Variants in DAZAP1 observed in about 807,000 individuals in gnomAD.
The protein encoded by DAZAP1 is DAZ-associated protein 1.
In DAZAP1, 6 loss-of-function variants were observed where a neutral mutation model predicts 60.1. The ratio of observed to expected loss-of-function variants is 0.10; its 90% CI spans 0.05 to 0.20. The LOEUF is 0.20. DAZAP1 is among the 10% of genes least tolerant of loss of function. DAZAP1 has a pLI of 1.00. For synonymous variants in DAZAP1, 235 were observed against 215.9 expected (o/e 1.09, Z -0.78); for missense variants, 366 against 560.4 (o/e 0.65, Z 3.50).
rs1186804452 is a variant in DAZAP1, at chr19:1,416,755, G to A, written c.30-745G>A. 1.3e-5 allele frequency: 2 copies of A among 152,528 alleles called. No individual in the cohort carries two copies. Among genetic ancestry groups the A allele is most frequent in the African/African-American group, 4.8e-5 (2 of 41,466 alleles). 9.4% of individuals were successfully genotyped at this position (152,528 alleles called of 1,614,324 possible). On this transcript the variant is annotated intron_variant, in intron 1 of 11. Transcript: ENST00000233078. This position sits in a 1 kb window ranked among gnomAD's most constrained non-coding sequence, Gnocchi z 4.3. Reference sequence around the variant, plus strand: ...AGGGTCGATGGCGGACGCCTTGGGAGAGCTCCAGCTCTTCTGCCCGGAGGA... The same window carrying A: ...AGGGTCGATGGCGGACGCCTTGGGAAAGCTCCAGCTCTTCTGCCCGGAGGA...
intron 1 of DAZAP1, among the ~76,000 whole-genome samples, 182 bp downstream of exon 1, chr19:1,407,984 TG>T (rs569758582): frequency 6.7e-6 from 1 of 149,588 alleles, no homozygotes; most frequent in African/African-American, 2.5e-5. Context: ...GCCCGGGGTC[TG>T]GGGGGGTCCT....
At chr19:1,431,532 C>T (rs1251672318) in intron 10 of DAZAP1, among the ~76,000 whole-genome samples, 3 of 152,022 alleles carry the variant, frequency 2.0e-5, no homozygotes, top group South Asian at 2.1e-4. Flanking sequence ...TGGGTTCAAG[C>T]GACTCTCCTG....
chr19:1,414,823 AT>A (rs567320989), intron 1 of DAZAP1, among the ~76,000 whole-genome samples: 225 of 148,826 alleles, frequency 1.5e-3, no homozygotes, highest in African/African-American at 4.5e-3. Context: ...AGTATTTTTT[AT>A]TTTTTTTTTA....
In DAZAP1 at chr19:1,432,397, T is replaced by A. The variant is rs990954047; in HGVS notation, c.872-117T>A. Reference sequence around the variant, plus strand: ...ATGTCCACAAGGCCTGGGCGTTCTGTGGGTTTGGGTGGCAGTCCCGTCTGG... The same window carrying A: ...ATGTCCACAAGGCCTGGGCGTTCTGAGGGTTTGGGTGGCAGTCCCGTCTGG... On this transcript the variant is annotated intron_variant, in intron 10 of 11. Coordinates refer to ENST00000233078, the MANE Select transcript of DAZAP1 (RefSeq NM_018959.4). The surrounding 1 kb of genome is among the most constrained non-coding windows in gnomAD (Gnocchi z 4.9). 4.9e-5 allele frequency: 52 copies of A among 1,065,556 alleles called. No homozygotes were observed. Among genetic ancestry groups the A allele is most frequent in the Non-Finnish European group, 7.0e-5 (49 of 701,800 alleles). The allele number at this position is 1,065,556 out of a possible 1,614,324, so 66.0% of individuals were successfully genotyped here. A position where few individuals can be genotyped will look rare whatever the true frequency, so the allele number is the denominator to read the frequency against.
At chr19:1,408,704 G>A (rs1285416321) in intron 1 of DAZAP1, among the ~76,000 whole-genome samples, 1 of 152,242 alleles carries the variant, frequency 6.6e-6, no homozygotes, top group Non-Finnish European at 1.5e-5. Context: ...CGGGCCCGCG[G>A]ATCTTTGCTG....
At chr19:1,409,154 C>G (rs755006529) in intron 1 of DAZAP1, among the ~76,000 whole-genome samples, 1 of 152,252 alleles carries the variant, frequency 6.6e-6, no homozygotes, top group African/African-American at 2.4e-5. Context: ...TGTGAGTCCT[C>G]TCCAGGCACT....
In DAZAP1 at chr19:1,425,259, T is replaced by C. The variant is rs942163286; in HGVS notation, c.464-619T>C. Among the ~76,000 whole-genome samples the C allele has an allele frequency of 4.6e-5, 7 of 152,216 alleles. No homozygotes were observed. Among genetic ancestry groups the C allele is most frequent in the Non-Finnish European group, 7.3e-5 (5 of 68,030 alleles). On this transcript the variant is annotated intron_variant, in intron 6 of 11. Coordinates refer to ENST00000233078, the MANE Select transcript of DAZAP1 (RefSeq NM_018959.4). This position sits in a 1 kb window ranked among gnomAD's most constrained non-coding sequence, Gnocchi z 5.4. ...AAGCCTAGCGAGGCACCAGCTATGA[T>C]AGATACTGTATCTGTTAACGCTTTA...
At chr19:1,411,989 C>T (rs1257702067) in intron 1 of DAZAP1, among the ~76,000 whole-genome samples, 5 of 152,216 alleles carry the variant, frequency 3.3e-5, no homozygotes, top group South Asian at 2.1e-4. Flanking sequence ...GCCAGTCATT[C>T]GACAGATGCT....
At position 1,423,188 on chromosome 19, in the gene DAZAP1, C is replaced by T. The variant is rs2083210805; in HGVS notation, c.463+792C>T. Among the ~76,000 whole-genome samples the T allele has an allele frequency of 1.3e-5, 2 of 152,366 alleles. No homozygotes were observed. Among genetic ancestry groups the T allele is most frequent in the South Asian group, 2.1e-4 (1 of 4,832 alleles). On this transcript the variant is annotated intron_variant, in intron 6 of 11. Transcript: ENST00000233078. This position sits in a 1 kb window ranked among gnomAD's most constrained non-coding sequence, Gnocchi z 6.8. Reference sequence around the variant, plus strand: ...GGCAGCCCCGAGCGCCAGGTGGCGCCGCAGCATGCCCACCATGCTGGAGCA... The same window carrying T: ...GGCAGCCCCGAGCGCCAGGTGGCGCTGCAGCATGCCCACCATGCTGGAGCA...
rs1287433316 is a variant in DAZAP1, at chr19:1,416,133, G to T, written c.30-1367G>T. 1 of 152,230 alleles carries T rather than the reference G, an allele frequency of 6.6e-6. No individual in the cohort carries two copies. The highest frequency in any genetic ancestry group is 1.9e-4 in the East Asian group (1 of 5,190). The allele number at this position is 152,230 out of a possible 1,614,324, so 9.4% of individuals were successfully genotyped here. On this transcript the variant is annotated intron_variant, in intron 1 of 11. Transcript: ENST00000233078. The surrounding 1 kb of genome is among the most constrained non-coding windows in gnomAD (Gnocchi z 4.3). ...GATGAGTGTGCCAGCCACCTTGCAG[G>T]GGTCTTTCCTGGCGAGCTGGCAGGA...
In DAZAP1 at chr19:1,432,618, C is replaced by T; in HGVS notation, c.976C>T (p.Pro326Ser). The change falls in exon 11 of 12, where the codon CCT becomes TCT. Residue 326 changes from proline to serine, a missense_variant. Transcript: ENST00000233078. This position sits in a 1 kb window ranked among gnomAD's most constrained non-coding sequence, Gnocchi z 4.9. ...GGCAGCACCTCTGGCTTTCCCACCG[C>T]CTCCGTCTCAGGCTGCCCCGGACAT... ...PGAAPLAFPPPPSQAAPDMSK... is the reference protein window; with the variant it reads ...PGAAPLAFPPSPSQAAPDMSK... 1 of 1,613,664 alleles carries T rather than the reference C, an allele frequency of 6.2e-7. No individual in the cohort carries two copies. Among genetic ancestry groups the T allele is most frequent in the Admixed American group, 1.7e-5 (1 of 60,026 alleles).
rs1196691175 is a variant in DAZAP1 at position 1,422,024 on chromosome 19, C to T, written c.415-324C>T. 1.3e-5 allele frequency among the ~76,000 whole-genome samples: 2 copies of T among 152,208 alleles called. No individual in the cohort carries two copies. The highest frequency in any genetic ancestry group is 4.8e-5 in the African/African-American group (2 of 41,450). ...TGGGGTCTCCTGGCTCCCACGTCCC[C>T]TGCTAGGATGCGTGGTCGGCGTTGT... On this transcript the variant is annotated intron_variant, in intron 5 of 11. Coordinates refer to ENST00000233078, the MANE Select transcript of DAZAP1 (RefSeq NM_018959.4). This position sits in a 1 kb window ranked among gnomAD's most constrained non-coding sequence, Gnocchi z 4.5.
Position 1,407,640 on chromosome 19 carries a change from CGCCGCCGCCGCCGCCGCCGCCGTT to C in DAZAP1, c.-131_-108del, listed in dbSNP as rs1474033774. On this transcript the variant is annotated 5_prime_UTR_variant, in exon 1 of 12. Coordinates refer to ENST00000233078, the MANE Select transcript of DAZAP1 (RefSeq NM_018959.4). ...AGGCAGCCGCCGCCGCCGCCGCCGC[CGCCGCCGCCGCCGCCGCCGCCGTT>C]GCGCAGATCCGGGCCGCGGCTGTGG... 1.1e-6 allele frequency: 1 copy of C among 904,072 alleles called. No individual in the cohort carries two copies. Among genetic ancestry groups the C allele is most frequent in the Non-Finnish European group, 1.3e-6 (1 of 754,296 alleles). The allele number at this position is 904,072 out of a possible 1,614,324, so 56.0% of individuals were successfully genotyped here.
intron 1 of DAZAP1, among the ~76,000 whole-genome samples, chr19:1,412,425 A>G (rs2082857402): frequency 6.6e-6 from 1 of 152,172 alleles, no homozygotes; most frequent in South Asian, 2.1e-4. Context: ...GCCTCTTGAG[A>G]TTGTGCACGG....
At chr19:1,424,192 C>T (rs2083240958) in intron 6 of DAZAP1, among the ~76,000 whole-genome samples, 1 of 152,064 alleles carries the variant, frequency 6.6e-6, no homozygotes, top group African/African-American at 2.4e-5. Flanking sequence ...CTGCTTGGCC[C>T]TCCCACGTCT....
At chr19:1,413,313 T>TGATG (rs1394431569) in intron 1 of DAZAP1, among the ~76,000 whole-genome samples, 9 of 152,228 alleles carry the variant, frequency 5.9e-5, no homozygotes, top group Non-Finnish European at 1.5e-5. Flanking sequence ...CCTGGGCAGT[T>TGATG]GATGGACAGT....
Position 1,418,167 on chromosome 19 carries a change from C to G in DAZAP1, c.71-37C>G, listed in dbSNP as rs769419513. 6.2e-7 allele frequency: 1 copy of G among 1,611,384 alleles called. No individual in the cohort carries two copies. The highest frequency in any genetic ancestry group is 1.3e-5 in the African/African-American group (1 of 74,844). The stretch of plus-strand genomic sequence containing the variant: ...CCAGGCACGTGCCTAATGCTCTGGC[C>G]CTGTGTGTTTGTGTTTTCTTCCCGA... On this transcript the variant is annotated intron_variant, in intron 2 of 11. Coordinates refer to ENST00000233078, the MANE Select transcript of DAZAP1 (RefSeq NM_018959.4). The surrounding 1 kb of genome is among the most constrained non-coding windows in gnomAD (Gnocchi z 5.7).
intron 1 of DAZAP1, among the ~76,000 whole-genome samples, chr19:1,409,616 C>T (rs1033991063): frequency 2.6e-5 from 4 of 152,376 alleles, no homozygotes; most frequent in Admixed American, 2.0e-4. Context: ...CACAGCCGCC[C>T]GTCGCATGGG....
intron 4 of DAZAP1, among the ~76,000 whole-genome samples, chr19:1,419,543 A>G (rs753495996): frequency 4.6e-5 from 7 of 152,176 alleles, no homozygotes; most frequent in Non-Finnish European, 7.4e-5. Context: ...GCTGCAGGGA[A>G]TCCCGTGTCA....
Sources: allele counts gnomAD v4.1 joint callset (sites outside exome capture counted in the v4.1 genomes callset), GRCh38; gene constraint gnomAD v4.1.1; non-coding constraint Gnocchi (gnomAD v3.1); transcripts MANE v1.5; gene names NCBI Gene and HGNC (gene_info 2026-07-23, HGNC 2026-07-21).